Variants in LMAN2 observed in about 807,000 individuals in gnomAD.
The protein encoded by LMAN2 is vesicular integral-membrane protein VIP36.
A neutral mutation model predicts 39.3 loss-of-function variants in LMAN2; 22 were observed. The observed-to-expected ratio is 0.56, with a 90% CI of 0.40 to 0.80. The LOEUF is 0.80. Ranked by LOEUF, LMAN2 falls within the 30% of genes least tolerant of loss-of-function variation. The pLI is 0.00. For synonymous variants in LMAN2, 207 were observed against 207.8 expected (o/e 1.00, Z 0.03); for missense variants, 494 against 505.4 (o/e 0.98, Z 0.22).
chr5:177,336,382 C>T (rs906853360), intron 6 of LMAN2, among the ~76,000 whole-genome samples: 35 of 152,194 alleles, frequency 2.3e-4, no homozygotes, highest in African/African-American at 8.2e-4. Flanking sequence ...CGCAGAGCAG[C>T]AGGAGGCCTC....
In LMAN2 at chr5:177,340,129, T is replaced by G. The variant is rs556724550; in HGVS notation, c.316-1524A>C. Among the ~76,000 whole-genome samples the G allele has an allele frequency of 2.0e-5, 3 of 152,100 alleles. No homozygotes were observed. The East Asian group carries it at 5.8e-4, about 29-fold the overall frequency. ...ACTGATTCAAAGACACGCCACAAACTTGAAAAGTCCTACAAACCAAAGGAG... is the reference window on the plus strand; with the variant it reads ...ACTGATTCAAAGACACGCCACAAACGTGAAAAGTCCTACAAACCAAAGGAG... On this transcript the variant is annotated intron_variant, in intron 2 of 7. Transcript: ENST00000303127.
chr5:177,346,296 A>G (rs888849666), intron 2 of LMAN2: 17 of 307,718 alleles, frequency 5.5e-5, no homozygotes, highest in Non-Finnish European at 1.1e-4. Flanking sequence ...GTTCTAACAC[A>G]CGGGATCGTT....
At chr5:177,347,931 C>A (rs1234544749) in intron 2 of LMAN2, among the ~76,000 whole-genome samples, 2 of 152,010 alleles carry the variant, frequency 1.3e-5, no homozygotes, top group Non-Finnish European at 2.9e-5. Context: ...TAAGACTGGG[C>A]AACATAGTAA....
intron 6 of LMAN2, among the ~76,000 whole-genome samples, chr5:177,334,785 T>C (rs1761444641): frequency 6.6e-6 from 1 of 152,130 alleles, no homozygotes; most frequent in African/African-American, 2.4e-5. Context: ...GCCTGCAGAA[T>C]AAGTGCTCAA....
intron 2 of LMAN2, among the ~76,000 whole-genome samples, chr5:177,340,275 T>A (rs1761532547): frequency 6.6e-6 from 1 of 152,192 alleles, no homozygotes; most frequent in Non-Finnish European, 1.5e-5. Context: ...TTTTTCCCCG[T>A]GGTACAGCCC....
At chr5:177,351,381 G>A (rs1761721428) in intron 1 of LMAN2, 71 bp downstream of exon 1, 3 of 1,605,586 alleles carry the variant, frequency 1.9e-6, no homozygotes, top group Middle Eastern at 1.8e-4. Flanking sequence ...TCAGGAGAAA[G>A]GGCACGCCTT....
chr5:177,349,824 AG>A (rs1372998402), intron 2 of LMAN2, among the ~76,000 whole-genome samples: 1 of 152,212 alleles, frequency 6.6e-6, no homozygotes, highest in Non-Finnish European at 1.5e-5. Context: ...CGGGGGAGAT[AG>A]GGTGGTTAAT....
intron 2 of LMAN2, among the ~76,000 whole-genome samples, chr5:177,348,952 G>A (rs1437600956): frequency 6.6e-6 from 1 of 150,850 alleles, no homozygotes; most frequent in Non-Finnish European, 1.5e-5. Context: ...TTAAAATACT[G>A]AACAGTTTTA....
intron 6 of LMAN2, among the ~76,000 whole-genome samples, chr5:177,336,191 C>T (rs548570979): frequency 2.0e-5 from 3 of 152,246 alleles, no homozygotes; most frequent in Admixed American, 6.5e-5. Flanking sequence ...CAGGGAAGGC[C>T]GCACTGAGGA....
chr5:177,337,797 A>G lies in LMAN2; in HGVS notation c.434-12T>C, dbSNP rs1476093281. ...TCCAAACACAGGCCCTAGAATTATA[A>G]GCAGATGCTCTCAGAATGGGAGAAA... On this transcript the variant is annotated splice_polypyrimidine_tract_variant and intron_variant, in intron 3 of 7. Transcript: ENST00000303127. This position sits in a 1 kb window ranked among gnomAD's most constrained non-coding sequence, Gnocchi z 8.2. 1 of 1,612,858 alleles carries G rather than the reference A, an allele frequency of 6.2e-7. No homozygotes were observed. Among genetic ancestry groups the G allele is most frequent in the Non-Finnish European group, 8.5e-7 (1 of 1,179,354 alleles).
At position 177,337,534 on chromosome 5, in the gene LMAN2, A is replaced by G; in HGVS notation, c.514-10T>C. ...TGTACGGGAACACGCGCTGGGACCA[A>G]GACATCGGTTACTCCACAAGCAGCC... On this transcript the variant is annotated splice_polypyrimidine_tract_variant and intron_variant, in intron 4 of 7. Coordinates refer to ENST00000303127, the MANE Select transcript of LMAN2 (RefSeq NM_006816.3). The surrounding 1 kb of genome is among the most constrained non-coding windows in gnomAD (Gnocchi z 8.2). 1 of 1,613,120 alleles carries G rather than the reference A, an allele frequency of 6.2e-7. No homozygotes were observed. The highest frequency in any genetic ancestry group is 1.3e-5 in the African/African-American group (1 of 74,940).
At chr5:177,334,578 G>A in intron 6 of LMAN2, 175 bp from the exon 7 acceptor site, 2 of 742,478 alleles carry the variant, frequency 2.7e-6, no homozygotes, top group Non-Finnish European at 4.1e-6. Flanking sequence ...CCAGTCACCA[G>A]CAATAAAAAA....
intron 2 of LMAN2, among the ~76,000 whole-genome samples, chr5:177,342,940 G>T (rs1189834358): frequency 6.6e-6 from 1 of 152,022 alleles, no homozygotes; most frequent in East Asian, 1.9e-4. Flanking sequence ...TCTGATAAGG[G>T]ATTAATATCT....
At chr5:177,341,089 A>G (rs13190105) in intron 2 of LMAN2, among the ~76,000 whole-genome samples, 53,171 of 127,068 alleles carry the variant, frequency 0.42, 12,539 homozygotes, top group African/African-American at 0.67. Flanking sequence ...TTTGTGAGAC[A>G]GAGTTTCGCT....
chr5:177,347,232 G>A (rs1761649715), intron 2 of LMAN2, among the ~76,000 whole-genome samples: 1 of 152,144 alleles, frequency 6.6e-6, no homozygotes, highest in South Asian at 2.1e-4. Flanking sequence ...AGAAAGACCA[G>A]GCTGTTGGGA....
intron 3 of LMAN2, 80 bp downstream of exon 3, chr5:177,338,408 C>G: frequency 8.6e-7 from 1 of 1,166,398 alleles, no homozygotes; most frequent in Non-Finnish European, 1.3e-6. Flanking sequence ...CACAGGCAGC[C>G]CCACCCCACC....
In LMAN2 at chr5:177,337,305, C is replaced by T. The variant is rs1490548819; in HGVS notation, c.676-55G>A. On this transcript the variant is annotated intron_variant, in intron 5 of 7. Transcript: ENST00000303127. The surrounding 1 kb of genome is among the most constrained non-coding windows in gnomAD (Gnocchi z 8.2). ...CAGGACAGCAGCCTGCCCTCCTGAGCCTCTGTGGGACCAGCACAGGGCCAC... is the reference window on the plus strand; with the variant it reads ...CAGGACAGCAGCCTGCCCTCCTGAGTCTCTGTGGGACCAGCACAGGGCCAC... The T allele has an allele frequency of 6.2e-7, 1 of 1,611,750 alleles. No individual in the cohort carries two copies. The highest frequency in any genetic ancestry group is 8.5e-7 in the Non-Finnish European group (1 of 1,179,726).
chr5:177,332,360 G>T lies in LMAN2; in HGVS notation c.911-114C>A. 1.0e-6 allele frequency: 1 copy of T among 954,798 alleles called. No homozygotes were observed. Among genetic ancestry groups the T allele is most frequent in the Non-Finnish European group, 1.6e-6 (1 of 638,604 alleles). 59.1% of individuals were successfully genotyped at this position (954,798 alleles called of 1,614,324 possible). A position where few individuals can be genotyped will look rare whatever the true frequency, so the allele number is the denominator to read the frequency against. On this transcript the variant is annotated intron_variant, in intron 7 of 7. Transcript: ENST00000303127. The surrounding 1 kb of genome is among the most constrained non-coding windows in gnomAD (Gnocchi z 6.3). ...GCCGGCCACGGTGGGCAGGCCGGTC[G>T]TACTCACCCCCCTCACCGGGGAGGG...
chr5:177,350,021 A>C (rs4397143), intron 2 of LMAN2, among the ~76,000 whole-genome samples: 61,937 of 152,146 alleles, frequency 0.41, 14,776 homozygotes, highest in African/African-American at 0.67. Flanking sequence ...GGAGATGCAC[A>C]AGGGGCCAGA....
Sources: gnomAD v4.1 joint callset for allele counts (sites outside exome capture counted in the v4.1 genomes callset) on GRCh38, gnomAD v4.1.1 for gene constraint, Gnocchi (gnomAD v3.1) non-coding constraint, MANE v1.5 for transcripts, NCBI Gene and HGNC (gene_info 2026-07-23, HGNC 2026-07-21) for gene names.